FRMD5: variants seen among roughly 807,000 people sequenced by gnomAD.
FRMD5 encodes FERM domain-containing protein 5.
A neutral mutation model predicts 69.0 loss-of-function variants in FRMD5; 20 were observed. The ratio of observed to expected loss-of-function variants is 0.29; its 90% CI spans 0.20 to 0.42. FRMD5 has a LOEUF of 0.42. FRMD5 is among the 10% of genes least tolerant of loss of function. FRMD5 has a pLI of 1.00. For missense variants in FRMD5, 595 were observed against 708.6 expected, an observed-to-expected ratio of 0.84 and a Z score of 1.82; for synonymous variants, 271 against 260.1, an observed-to-expected ratio of 1.04 and a Z score of -0.40.
At chr15:44,164,886 G>A (rs192234211) in intron 1 of FRMD5, among the ~76,000 whole-genome samples, 21 of 152,290 alleles carry the variant, frequency 1.4e-4, no homozygotes, top group African/African-American at 2.9e-4. Flanking sequence ...CTGTGGCACC[G>A]GTGCCTAGTG....
rs1237780595 is a variant in FRMD5, at chr15:44,040,726, G to T, written c.103-116417C>A. Among the ~76,000 whole-genome samples, 3 of 152,164 alleles carry T rather than the reference G, an allele frequency of 2.0e-5. No individual in the cohort carries two copies. In the East Asian group the frequency reaches 5.8e-4, roughly 29 times the overall value. On this transcript the variant is annotated intron_variant, in intron 1 of 13. Transcript: ENST00000417257. Reference sequence around the variant, plus strand: ...CTGCAAAAACATACCAAATTGTAAAGACTATCCACACTATGAAGAAACTGC... The same window carrying T: ...CTGCAAAAACATACCAAATTGTAAATACTATCCACACTATGAAGAAACTGC...
intron 1 of FRMD5, among the ~76,000 whole-genome samples, chr15:44,073,297 C>T (rs1013802640): frequency 1.1e-4 from 16 of 152,144 alleles, no homozygotes; most frequent in African/African-American, 3.6e-4. Flanking sequence ...CACACAAAAA[C>T]ATACGTGTAT....
chr15:43,906,362 G>A (rs1306067802), intron 5 of FRMD5, among the ~76,000 whole-genome samples: 1 of 152,244 alleles, frequency 6.6e-6, no homozygotes, highest in Non-Finnish European at 1.5e-5. Flanking sequence ...TTGGGCCTCA[G>A]CCAGATCATA....
intron 1 of FRMD5, among the ~76,000 whole-genome samples, chr15:43,994,726 C>A (rs991455367): frequency 6.6e-6 from 1 of 152,222 alleles, no homozygotes. Flanking sequence ...GCCACTGCAC[C>A]CTGCGCTTAG....
rs545344884 is a variant in FRMD5 at position 44,105,768 on chromosome 15, C to T, written c.102+89185G>A. On this transcript the variant is annotated intron_variant, in intron 1 of 13. Coordinates refer to ENST00000417257, the MANE Select transcript of FRMD5 (RefSeq NM_032892.5). ...ACCTATTTTTTACCTTCATTAGCTT[C>T]GACAAGAAAACCCATAATTACTACT... Among the ~76,000 whole-genome samples, 10 of 152,230 alleles carry T rather than the reference C, an allele frequency of 6.6e-5. No individual in the cohort carries two copies. In the East Asian group the frequency reaches 1.2e-3, roughly 18 times the overall value.
At chr15:43,918,973 C>T (rs1451827930) in intron 4 of FRMD5, 9 of 254,876 alleles carry the variant, frequency 3.5e-5, no homozygotes, top group African/African-American at 1.6e-4. Context: ...TAGTTTATCA[C>T]GAACCTGATC....
intron 1 of FRMD5, among the ~76,000 whole-genome samples, chr15:44,022,357 G>T (rs969354133): frequency 6.6e-6 from 1 of 151,564 alleles, no homozygotes; most frequent in African/African-American, 2.4e-5. Context: ...TTGAGGCCAG[G>T]AGTTTGAGAC....
intron 1 of FRMD5, among the ~76,000 whole-genome samples, chr15:44,079,291 T>G (rs1196880273): frequency 6.6e-6 from 1 of 152,086 alleles, no homozygotes; most frequent in East Asian, 1.9e-4. Context: ...GTCAAGGATA[T>G]GGAGAAATTA....
chr15:44,012,810 A>C (rs951708624), intron 1 of FRMD5, among the ~76,000 whole-genome samples: 3 of 123,402 alleles, frequency 2.4e-5, no homozygotes, highest in Non-Finnish European at 4.7e-5. Context: ...CTTGTTGCCC[A>C]GGCTGGAGTG....
intron 13 of FRMD5, chr15:43,875,822 T>TC (rs535006682): frequency 1.5e-5 from 6 of 388,546 alleles, no homozygotes; most frequent in Non-Finnish European, 2.4e-5. Context: ...TTTTTTTTTT[T>TC]TTTTTCTTTC....
chr15:43,875,361 AAAAT>A (rs1465434446), intron 13 of FRMD5, among the ~76,000 whole-genome samples: 22 of 104,318 alleles, frequency 2.1e-4, no homozygotes, highest in East Asian at 6.9e-4. Context: ...AAAAAAAAAA[AAAAT>A]ATATATATAT....
chr15:44,195,274 C>A, upstream of FRMD5: 1 of 515,702 alleles, frequency 1.9e-6, no homozygotes, highest in Non-Finnish European at 3.4e-6. Flanking sequence ...CGGGCTCTGT[C>A]TCCTCGGCGC....
intron 1 of FRMD5, among the ~76,000 whole-genome samples, chr15:44,156,328 G>C (rs1207733823): frequency 6.6e-6 from 1 of 152,032 alleles, no homozygotes; most frequent in African/African-American, 2.4e-5. Flanking sequence ...ATTTTTAGTA[G>C]AGACGGGGTT....
chr15:44,185,691 G>A (rs1471827916), intron 1 of FRMD5, among the ~76,000 whole-genome samples: 1 of 151,906 alleles, frequency 6.6e-6, no homozygotes, highest in Non-Finnish European at 1.5e-5. Context: ...TACTCAGGAG[G>A]CTGAGACGCA....
chr15:43,967,889 G>A (rs2090318817), intron 1 of FRMD5, among the ~76,000 whole-genome samples: 1 of 151,802 alleles, frequency 6.6e-6, no homozygotes, highest in Non-Finnish European at 1.5e-5. Context: ...CATGTATTAG[G>A]TATTTGTCCT....
intron 2 of FRMD5, 65 bp from the exon 3 acceptor site, chr15:43,919,874 C>T: frequency 6.9e-7 from 1 of 1,454,002 alleles, no homozygotes; most frequent in South Asian, 1.1e-5. Context: ...AACTTGTTTT[C>T]TCCAACTTAA....
At chr15:43,981,569 C>T (rs115128559) in intron 1 of FRMD5, among the ~76,000 whole-genome samples, 1,900 of 152,140 alleles carry the variant, frequency 0.012, 36 homozygotes, top group African/African-American at 0.039. Flanking sequence ...GATTTTTTTG[C>T]TTTTTCATTT....
chr15:43,891,939 G>T, intron 8 of FRMD5, 42 bp downstream of exon 8: 2 of 1,535,866 alleles, frequency 1.3e-6, no homozygotes, highest in Non-Finnish European at 1.8e-6. Context: ...CTCCCCAGTT[G>T]GTGAGATATA....
At chr15:43,875,844 T>A (rs1268779398) in intron 13 of FRMD5, 2 of 449,010 alleles carry the variant, frequency 4.5e-6, no homozygotes, top group Non-Finnish European at 8.5e-6. Context: ...GTCTTTCATA[T>A]GATTTTATTT....
Sources: allele counts gnomAD v4.1 joint callset (sites outside exome capture counted in the v4.1 genomes callset), GRCh38; gene constraint gnomAD v4.1.1; transcripts MANE v1.5; gene names NCBI Gene and HGNC (gene_info 2026-07-23, HGNC 2026-07-21).